Variants in ERVMER34-1 observed in about 807,000 individuals in gnomAD.
ERVMER34-1 encodes endogenous retrovirus group MER34 member 1, envelope, also known as endogenous retroviral envelope protein HEMO.
For missense variants in ERVMER34-1, 471 were observed against 295.1 expected (o/e 1.60, Z -4.37); for synonymous variants, 199 against 111.7 (o/e 1.78, Z -4.93).
Position 52,742,885 on chromosome 4 carries a change from C to T in ERVMER34-1, c.*944G>A, listed in dbSNP as rs1227386108. 1 of 150,470 alleles carries T rather than the reference C, an allele frequency of 6.6e-6. No homozygotes were observed. Among genetic ancestry groups the T allele is most frequent in the Non-Finnish European group, 1.5e-5 (1 of 67,852 alleles). The allele number at this position is 150,470 out of a possible 1,614,324, so 9.3% of individuals were successfully genotyped here. A position where few individuals can be genotyped will look rare whatever the true frequency, so the allele number is the denominator to read the frequency against. Reference sequence around the variant, plus strand: ...TGAGCCGAGATTGAGCCACTGCACTCCAGCCTGGGTGAAAGGGCCAGACTC... The same window carrying T: ...TGAGCCGAGATTGAGCCACTGCACTTCAGCCTGGGTGAAAGGGCCAGACTC... On this transcript the variant is annotated 3_prime_UTR_variant, in exon 3 of 3. Transcript: ENST00000443173.
In ERVMER34-1 at chr4:52,744,684, G is replaced by T. The variant is rs1484936722; in HGVS notation, c.837C>A (p.Pro279=). The T allele has an allele frequency of 4.3e-6, 3 of 704,162 alleles. No individual in the cohort carries two copies. The highest frequency in any genetic ancestry group is 7.8e-6 in the Non-Finnish European group (3 of 385,006). 43.6% of individuals were successfully genotyped at this position (704,162 alleles called of 1,614,324 possible). A position where few individuals can be genotyped will look rare whatever the true frequency, so the allele number is the denominator to read the frequency against. ...GATTGGAACCTGTGAGCCACCAGGT[G>T]GGGGTCCGGTGTCCATCATGACCTT... is the stretch of plus-strand genomic sequence containing the variant. ...NDKGHDGHRT[P]TWWLTGSNLT... The change falls in exon 3 of 3, where the codon CCC becomes CCA. Residue 279 remains proline (P), a synonymous_variant. Transcript: ENST00000443173.
Position 52,744,762 on chromosome 4 carries a change from C to T in ERVMER34-1, c.759G>A (p.Leu253=), listed in dbSNP as rs1245317405. The T allele has an allele frequency of 1.4e-6, 1 of 704,132 alleles. No homozygotes were observed. The highest frequency in any genetic ancestry group is 2.6e-6 in the Non-Finnish European group (1 of 385,012). The allele number at this position is 704,132 out of a possible 1,614,324, so 43.6% of individuals were successfully genotyped here. The change falls in exon 3 of 3, where the codon CTG becomes CTA. Residue 253 remains leucine, a synonymous_variant. Transcript: ENST00000443173. ...ATCTCCATTTCCCATGTGCCTCTGT[C>T]AGGCCATAAGAGCAAAATAGGTTGC... is the stretch of plus-strand genomic sequence containing the variant. ...LFRNLFCSYG[L]TEAHGKWRCA...
At position 52,744,844 on chromosome 4, in the gene ERVMER34-1, T is replaced by C. The variant is rs777480906; in HGVS notation, c.677A>G (p.Asp226Gly). The change falls in exon 3 of 3, where the codon GAC (aspartate) becomes GGC (glycine). Residue 226 changes from aspartate (D) to glycine (G), a missense_variant. Asp to Gly is a moderately conservative substitution (Grantham distance 94). Transcript: ENST00000443173. ...GTTTTGGCAGCTATAGAGACAGGTGTCATTACCTGACCAGGTCAATCCAGA... is the reference window on the plus strand; with the variant it reads ...GTTTTGGCAGCTATAGAGACAGGTGCCATTACCTGACCAGGTCAATCCAGA... ...RNSGLTWSGN[D>G]TCLYSCQNQT... 1 of 704,120 alleles carries C rather than the reference T, an allele frequency of 1.4e-6. No individual in the cohort carries two copies. The highest frequency in any genetic ancestry group is 1.5e-5 in the South Asian group (1 of 67,602). The allele number at this position is 704,120 out of a possible 1,614,324, so 43.6% of individuals were successfully genotyped here.
At chr4:52,750,205 G>A (rs1471866476) in intron 2 of ERVMER34-1, among the ~76,000 whole-genome samples, 1 of 151,990 alleles carries the variant, frequency 6.6e-6, no homozygotes, top group Non-Finnish European at 1.5e-5. Context: ...CACCATGTTG[G>A]CCAGGTAGGT....
chr4:52,744,361 GCCTTTTCTAAATCATAAGTTC>G lies in ERVMER34-1; in HGVS notation c.1139_1159del (p.Gly380_Lys386del). 2.8e-6 allele frequency: 2 copies of G among 704,146 alleles called. No individual in the cohort carries two copies. Among genetic ancestry groups the G allele is most frequent in the Non-Finnish European group, 5.2e-6 (2 of 385,014 alleles). The allele number at this position is 704,146 out of a possible 1,614,324, so 43.6% of individuals were successfully genotyped here. A position where few individuals can be genotyped will look rare whatever the true frequency, so the allele number is the denominator to read the frequency against. Reference sequence around the variant, plus strand: ...CATTGCTTTGGAAATGTTTAGAATTGCCTTTTCTAAATCATAAGTTCCCAAACTTGGAAAAAGGGCCCTTAT... The same window carrying G: ...CATTGCTTTGGAAATGTTTAGAATTGCCAAACTTGGAAAAAGGGCCCTTAT... On this transcript the variant is annotated inframe_deletion, in exon 3 of 3. Transcript: ENST00000443173.
In ERVMER34-1 at chr4:52,744,463, G is replaced by T. The variant is rs919192537; in HGVS notation, c.1058C>A (p.Thr353Asn). Residue 353 changes from threonine to asparagine, a missense_variant, in exon 3 of 3, where the codon ACC (threonine) becomes AAC (asparagine). Physicochemically the swap from Thr to Asn is moderately conservative, Grantham distance 65. Coordinates refer to ENST00000443173, the MANE Select transcript of ERVMER34-1 (RefSeq NM_001242690.2). Reference sequence around the variant, plus strand: ...AGGTGGATTGTCTGTGTCTCCTTGGGTGCATCTATGCGGTGTTACTTTATG... The same window carrying T: ...AGGTGGATTGTCTGTGTCTCCTTGGTTGCATCTATGCGGTGTTACTTTATG... ...FIHKVTPHRC[T>N]QGDTDNPPLY... 21 of 704,078 alleles carry T rather than the reference G, an allele frequency of 3.0e-5. No individual in the cohort carries two copies. In the African/African-American group the frequency reaches 3.1e-4, roughly 11 times the overall value. 43.6% of individuals were successfully genotyped at this position (704,078 alleles called of 1,614,324 possible).
intron 2 of ERVMER34-1, among the ~76,000 whole-genome samples, chr4:52,749,544 G>A (rs181155437): frequency 1.6e-3 from 247 of 152,250 alleles, no homozygotes; most frequent in African/African-American, 5.3e-3. Flanking sequence ...GCTCACACCT[G>A]TAATCCCAGC....
chr4:52,747,737 C>T (rs1716187652), intron 2 of ERVMER34-1, among the ~76,000 whole-genome samples: 1 of 152,166 alleles, frequency 6.6e-6, no homozygotes, highest in Non-Finnish European at 1.5e-5. Flanking sequence ...GGATTGCAGA[C>T]TTAAAGAAAC....
intron 2 of ERVMER34-1, among the ~76,000 whole-genome samples, chr4:52,749,387 G>T (rs532321304): frequency 2.6e-5 from 4 of 152,182 alleles, no homozygotes; most frequent in East Asian, 3.9e-4. Context: ...ACTCTGTAAT[G>T]CTCTAAACCT....
chr4:52,744,271 G>A lies in ERVMER34-1; in HGVS notation c.1250C>T (p.Ala417Val), dbSNP rs1434372665. The A allele has an allele frequency of 4.3e-6, 3 of 704,014 alleles. No homozygotes were observed. Among genetic ancestry groups the A allele is most frequent in the Non-Finnish European group, 7.8e-6 (3 of 385,008 alleles). 43.6% of individuals were successfully genotyped at this position (704,014 alleles called of 1,614,324 possible). A position where few individuals can be genotyped will look rare whatever the true frequency, so the allele number is the denominator to read the frequency against. The change falls in exon 3 of 3, where the codon GCC (alanine) becomes GTC (valine). Residue 417 changes from alanine (A) to valine (V), a missense_variant. By Grantham distance (64) the Ala-to-Val change is moderately conservative. Coordinates refer to ENST00000443173, the MANE Select transcript of ERVMER34-1 (RefSeq NM_001242690.2). ...EAHQSKVSSLASASRKDHVLD... is the reference protein window; with the variant it reads ...EAHQSKVSSLVSASRKDHVLD... ...GACATGATCCTTTCGGGATGCAGAG[G>A]CTAAACTGCTAACTTTTGATTGGTG...
intron 2 of ERVMER34-1, among the ~76,000 whole-genome samples, chr4:52,747,205 G>A (rs1560437560): frequency 6.6e-6 from 1 of 151,708 alleles, no homozygotes; most frequent in African/African-American, 2.4e-5. Flanking sequence ...CTCCAGGCTG[G>A]GTGACAGAGT....
In ERVMER34-1 at chr4:52,743,219, G is replaced by A. The variant is rs914528281; in HGVS notation, c.*610C>T. ...TAATATTCCATTAGACCACTAAAAT[G>A]CCCATGGGAAATCAGGAAAGCTCAG... On this transcript the variant is annotated 3_prime_UTR_variant, in exon 3 of 3. Coordinates refer to ENST00000443173, the MANE Select transcript of ERVMER34-1 (RefSeq NM_001242690.2). 6.6e-6 allele frequency: 1 copy of A among 152,150 alleles called. No homozygotes were observed. The highest frequency in any genetic ancestry group is 2.1e-4 in the South Asian group (1 of 4,810). The allele number at this position is 152,150 out of a possible 1,614,324, so 9.4% of individuals were successfully genotyped here. A position where few individuals can be genotyped will look rare whatever the true frequency, so the allele number is the denominator to read the frequency against.
rs1429598128 is a variant in ERVMER34-1, at chr4:52,745,284, C to G, written c.237G>C (p.Arg79Ser). 1.4e-6 allele frequency: 1 copy of G among 703,872 alleles called. No individual in the cohort carries two copies. The highest frequency in any genetic ancestry group is 2.0e-5 in the Admixed American group (1 of 49,970). 43.6% of individuals were successfully genotyped at this position (703,872 alleles called of 1,614,324 possible). A position where few individuals can be genotyped will look rare whatever the true frequency, so the allele number is the denominator to read the frequency against. The change falls in exon 3 of 3, where the codon AGG becomes AGC. Residue 79 changes from arginine (R) to serine (S), a missense_variant. By Grantham distance (110) the Arg-to-Ser change is moderately radical (BLOSUM62 -1). Coordinates refer to ENST00000443173, the MANE Select transcript of ERVMER34-1 (RefSeq NM_001242690.2). ...GTACTTCTGCTTGTGGATACCACACCCTTTCATACATCCATTGTCCAGAAT... is the reference window on the plus strand; with the variant it reads ...GTACTTCTGCTTGTGGATACCACACGCTTTCATACATCCATTGTCCAGAAT... ...WTYSGQWMYE[R>S]VWYPQAEVQN...
chr4:52,748,157 C>A, intron 2 of ERVMER34-1: 1 of 214,486 alleles, frequency 4.7e-6, no homozygotes, highest in Non-Finnish European at 9.3e-6. Flanking sequence ...AAGGTTGACA[C>A]AGTGCATTAA....
intron 2 of ERVMER34-1, among the ~76,000 whole-genome samples, chr4:52,747,111 C>T (rs1716173082): frequency 6.6e-6 from 1 of 151,946 alleles, no homozygotes; most frequent in Admixed American, 6.6e-5. Context: ...CGCCTGTGGT[C>T]CCAGCTACTC....
chr4:52,748,595 G>A (rs1275293146), intron 2 of ERVMER34-1, among the ~76,000 whole-genome samples: 1 of 152,182 alleles, frequency 6.6e-6, no homozygotes, highest in East Asian at 1.9e-4. Context: ...GAAGGCAGGT[G>A]TGCACACTTA....
At chr4:52,749,412 T>C (rs1716227210) in intron 2 of ERVMER34-1, among the ~76,000 whole-genome samples, 1 of 152,168 alleles carries the variant, frequency 6.6e-6, no homozygotes, top group Admixed American at 6.5e-5. Flanking sequence ...CTCTCCCTGA[T>C]GGAGAACCCC....
rs1292572474 is a variant in ERVMER34-1, at chr4:52,744,546, G to GTACAA, written c.974_975insTTGTA (p.Leu326CysfsTer9). 4.3e-6 allele frequency: 3 copies of GTACAA among 703,892 alleles called. No homozygotes were observed. Among genetic ancestry groups the GTACAA allele is most frequent in the Non-Finnish European group, 7.8e-6 (3 of 385,002 alleles). The allele number at this position is 703,892 out of a possible 1,614,324, so 43.6% of individuals were successfully genotyped here. A position where few individuals can be genotyped will look rare whatever the true frequency, so the allele number is the denominator to read the frequency against. On this transcript the variant is annotated frameshift_variant, in exon 3 of 3. Coordinates refer to ENST00000443173, the MANE Select transcript of ERVMER34-1 (RefSeq NM_001242690.2). LOFTEE classifies it low-confidence loss of function (END_TRUNC). ...CATTTAAGGTGAGGTATCTGGTGAG[G>GTACAA]GAAGGTACAAGATACCCAAGTCCAC...
At chr4:52,746,272 A>G (rs1325849066) in intron 2 of ERVMER34-1, among the ~76,000 whole-genome samples, 1 of 152,166 alleles carries the variant, frequency 6.6e-6, no homozygotes, top group Non-Finnish European at 1.5e-5. Context: ...ATCCTGTCTC[A>G]GCCTCCCAAA....
Sources: allele counts gnomAD v4.1 joint callset (sites outside exome capture counted in the v4.1 genomes callset), GRCh38; gene constraint gnomAD v4.1.1; transcripts MANE v1.5; gene names NCBI Gene and HGNC (gene_info 2026-07-23, HGNC 2026-07-21).